ANKRD17: variants seen among roughly 807,000 people sequenced by gnomAD.
ANKRD17 encodes ankyrin repeat domain 17, also known as ankyrin repeat domain-containing protein 17.
A neutral mutation model predicts 229.7 loss-of-function variants in ANKRD17; 19 were observed. The ratio of observed to expected loss-of-function variants is 0.08; its 90% CI spans 0.06 to 0.12. ANKRD17 has a LOEUF of 0.12. Ranked by LOEUF, ANKRD17 falls within the 10% of genes least tolerant of loss-of-function variation. ANKRD17 has a pLI of 1.00. For missense variants in ANKRD17, 2,176 were observed against 3,176.8 expected (o/e 0.68, Z 7.57); for synonymous variants, 1,112 against 1,146.1 (o/e 0.97, Z 0.60).
chr4:73,179,438 G>A (rs1735156471), intron 1 of ANKRD17, among the ~76,000 whole-genome samples: 1 of 136,566 alleles, frequency 7.3e-6, no homozygotes, highest in South Asian at 2.3e-4. Context: ...ATGTGTGTGT[G>A]TATATATATC....
At chr4:73,218,636 C>G (rs1285993388) in intron 1 of ANKRD17, among the ~76,000 whole-genome samples, 9 of 127,250 alleles carry the variant, frequency 7.1e-5, no homozygotes, top group Non-Finnish European at 1.4e-4. Flanking sequence ...GAGTGAGACT[C>G]TGTCTCAAAA....
chr4:73,207,128 G>C (rs1179327683), intron 1 of ANKRD17, among the ~76,000 whole-genome samples: 1 of 152,122 alleles, frequency 6.6e-6, no homozygotes, highest in Non-Finnish European at 1.5e-5. Flanking sequence ...CCAGCCAAGA[G>C]AGTAGATTTT....
At chr4:73,168,077 C>T (rs1406826652) in intron 2 of ANKRD17, among the ~76,000 whole-genome samples, 2 of 151,646 alleles carry the variant, frequency 1.3e-5, no homozygotes, top group East Asian at 3.9e-4. Flanking sequence ...GCCATGAACC[C>T]GGGAGGCGGA....
intron 18 of ANKRD17, among the ~76,000 whole-genome samples, chr4:73,124,674 C>G (rs572734021): frequency 7.2e-5 from 11 of 152,304 alleles, no homozygotes; most frequent in Non-Finnish European, 1.3e-4. Flanking sequence ...CTTTCTCCTA[C>G]CGTAAATGCA....
intron 26 of ANKRD17, among the ~76,000 whole-genome samples, 199 bp downstream of exon 26, chr4:73,097,874 T>C (rs922914260): frequency 3.3e-5 from 5 of 151,962 alleles, no homozygotes; most frequent in Non-Finnish European, 7.4e-5. Flanking sequence ...AGAAATTACA[T>C]AGTAAAAATA....
At chr4:73,250,443 A>T (rs1399765187) in intron 1 of ANKRD17, among the ~76,000 whole-genome samples, 3 of 151,794 alleles carry the variant, frequency 2.0e-5, no homozygotes, top group Non-Finnish European at 4.4e-5. Context: ...TCTAATAAAA[A>T]TACAAAACAA....
chr4:73,106,776 G>C (rs1461680959), intron 24 of ANKRD17, among the ~76,000 whole-genome samples: 1 of 150,208 alleles, frequency 6.7e-6, no homozygotes, highest in Admixed American at 6.7e-5. Context: ...CTACTCGGCA[G>C]GCTGAGGCAG....
chr4:73,189,199 C>G (rs1210410166), intron 1 of ANKRD17, among the ~76,000 whole-genome samples: 1 of 151,938 alleles, frequency 6.6e-6, no homozygotes. Context: ...AATTAACAAA[C>G]CTAAACGAGA....
Position 73,163,454 on chromosome 4 carries a change from CA to C in ANKRD17, c.548-2107del, listed in dbSNP as rs560267018. Among the ~76,000 whole-genome samples, 1,175 of 152,210 alleles carry C rather than the reference CA, an allele frequency of 7.7e-3. 3 individuals carry two copies. Among genetic ancestry groups the C allele is most frequent in the Non-Finnish European group, 0.01 (688 of 68,000 alleles). ...AAACCTGCATTTTAAAAAAGATCCC[CA>C]TATGATTCCAATGCACATTAAAGAA... On this transcript the variant is annotated intron_variant, in intron 2 of 33. Coordinates refer to ENST00000358602, the MANE Select transcript of ANKRD17 (RefSeq NM_032217.5).
At chr4:73,233,362 T>TA (rs1399168985) in intron 1 of ANKRD17, among the ~76,000 whole-genome samples, 2 of 152,148 alleles carry the variant, frequency 1.3e-5, no homozygotes, top group African/African-American at 4.8e-5. Context: ...TTCTACTCCA[T>TA]AACTATAATT....
intron 16 of ANKRD17, among the ~76,000 whole-genome samples, chr4:73,127,733 C>A (rs1016178700): frequency 6.6e-6 from 1 of 152,100 alleles, no homozygotes; most frequent in Non-Finnish European, 1.5e-5. Context: ...TACTAATAAA[C>A]ATAATAAGCA....
chr4:73,093,337 G>T (rs967758262), intron 28 of ANKRD17, among the ~76,000 whole-genome samples: 1 of 145,824 alleles, frequency 6.9e-6, no homozygotes, highest in African/African-American at 2.5e-5. Context: ...TTCAAGATAA[G>T]TTATATCTTC....
At chr4:73,173,656 A>C (rs1055261665) in intron 2 of ANKRD17, among the ~76,000 whole-genome samples, 4 of 152,202 alleles carry the variant, frequency 2.6e-5, no homozygotes, top group African/African-American at 9.7e-5. Flanking sequence ...GAGCAGGAAA[A>C]CCTGTCTCCA....
At chr4:73,250,056 A>G (rs1200471072) in intron 1 of ANKRD17, among the ~76,000 whole-genome samples, 1 of 152,190 alleles carries the variant, frequency 6.6e-6, no homozygotes, top group Non-Finnish European at 1.5e-5. Context: ...GATGTAGCAT[A>G]GCATTATTTA....
At chr4:73,158,594 G>C (rs1206067026) in intron 3 of ANKRD17, among the ~76,000 whole-genome samples, 1 of 152,122 alleles carries the variant, frequency 6.6e-6, no homozygotes, top group African/African-American at 2.4e-5. Context: ...GCTATGGTTT[G>C]CATATTTGTC....
At chr4:73,251,350 T>TA (rs901074231) in intron 1 of ANKRD17, among the ~76,000 whole-genome samples, 1 of 152,114 alleles carries the variant, frequency 6.6e-6, no homozygotes, top group African/African-American at 2.4e-5. Flanking sequence ...GAATGAATAA[T>TA]AATAATTTCT....
intron 1 of ANKRD17, among the ~76,000 whole-genome samples, chr4:73,183,886 ATTAT>A (rs1735918530): frequency 6.6e-6 from 1 of 152,196 alleles, no homozygotes; most frequent in African/African-American, 2.4e-5. Flanking sequence ...CAGAAAAACT[ATTAT>A]TTAACAGTAA....
chr4:73,168,084 C>T (rs1733469500), intron 2 of ANKRD17, among the ~76,000 whole-genome samples: 1 of 151,464 alleles, frequency 6.6e-6, no homozygotes, highest in Non-Finnish European at 1.5e-5. Context: ...ACCCGGGAGG[C>T]GGAGCTTGCA....
rs1289027502 is a variant in ANKRD17 at position 73,094,244 on chromosome 4, A to G, written c.5178-16T>C. The G allele has an allele frequency of 5.0e-6, 8 of 1,602,444 alleles. No individual in the cohort carries two copies. Among genetic ancestry groups the G allele is most frequent in the Non-Finnish European group, 6.0e-6 (7 of 1,171,254 alleles). On this transcript the variant is annotated splice_polypyrimidine_tract_variant and intron_variant, in intron 27 of 33. Transcript: ENST00000358602. ...TTTCTTTGACCTGTTTAAAAGTTGTATATATAAATTAAGATTAGTCATTAA... is the reference window on the plus strand; with the variant it reads ...TTTCTTTGACCTGTTTAAAAGTTGTGTATATAAATTAAGATTAGTCATTAA...
Sources: allele counts gnomAD v4.1 joint callset (sites outside exome capture counted in the v4.1 genomes callset), GRCh38; gene constraint gnomAD v4.1.1; transcripts MANE v1.5; gene names NCBI Gene and HGNC (gene_info 2026-07-23, HGNC 2026-07-21).